SLC15A3: variants seen among roughly 807,000 people sequenced by gnomAD.
The protein encoded by SLC15A3 is osteoclast transporter.
SLC15A3 carries 39 observed loss-of-function variants against 49.2 expected under a neutral mutation model. The observed-to-expected ratio is 0.79, with a 90% CI of 0.61 to 1.04. The LOEUF is 1.04. SLC15A3 is among the 50% of genes least tolerant of loss of function. The probability of loss-of-function intolerance (pLI) is 0.00; values close to 1 mark genes in which losing one functional copy is unlikely to be tolerated. For missense variants in SLC15A3, 758 were observed against 794.8 expected (o/e 0.95, Z 0.56); for synonymous variants, 339 against 367.0 (o/e 0.92, Z 0.87).
chr11:60,946,685 A>T lies in SLC15A3; in HGVS notation c.695T>A (p.Ile232Asn), dbSNP rs899259928. 2 of 1,614,112 alleles carry T rather than the reference A, an allele frequency of 1.2e-6. No homozygotes were observed. Among genetic ancestry groups the T allele is most frequent in the Non-Finnish European group, 1.7e-6 (2 of 1,179,978 alleles). The change falls in exon 2 of 8, where the codon ATC becomes AAC. Residue 232 changes from isoleucine (I) to asparagine (N), a missense_variant. Physicochemically the swap from Ile to Asn is moderately radical, Grantham distance 149 (BLOSUM62 -3). Coordinates refer to ENST00000227880, the MANE Select transcript of SLC15A3 (RefSeq NM_016582.3). Reference sequence around the variant, plus strand: ...TGCCAGGCCCACACAGCCCACAGGGATGCTGTAGCCCAGCAGGAAGCTGAT... The same window carrying T: ...TGCCAGGCCCACACAGCCCACAGGGTTGCTGTAGCCCAGCAGGAAGCTGAT... ...QNISFLLGYS[I>N]PVGCVGLAFF...
At position 60,951,704 on chromosome 11, in the gene SLC15A3, C is replaced by T; in HGVS notation, c.-153G>A. The T allele has an allele frequency of 2.2e-6, 1 of 462,420 alleles. No individual in the cohort carries two copies. The highest frequency in any genetic ancestry group is 2.9e-6 in the Non-Finnish European group (1 of 339,614). 28.6% of individuals were successfully genotyped at this position (462,420 alleles called of 1,614,324 possible). Reference sequence around the variant, plus strand: ...CTTTGGCCCACCCTTCCCTCCTGTCCCCTCTCCCTTTCTTGCCCTACCCTT... The same window carrying T: ...CTTTGGCCCACCCTTCCCTCCTGTCTCCTCTCCCTTTCTTGCCCTACCCTT... On this transcript the variant is annotated 5_prime_UTR_variant, in exon 1 of 8. Coordinates refer to ENST00000227880, the MANE Select transcript of SLC15A3 (RefSeq NM_016582.3).
chr11:60,941,957 C>T (rs1408632136), intron 4 of SLC15A3, 78 bp downstream of exon 4: 2 of 1,357,926 alleles, frequency 1.5e-6, no homozygotes, highest in East Asian at 2.3e-5. Flanking sequence ...AGTGTGAAGG[C>T]AGTTTCATTT....
At position 60,937,941 on chromosome 11, in the gene SLC15A3, G is replaced by A. The variant is rs1856646103; in HGVS notation, c.1520C>T (p.Ser507Leu). 1 of 1,614,198 alleles carries A rather than the reference G, an allele frequency of 6.2e-7. No individual in the cohort carries two copies. The highest frequency in any genetic ancestry group is 8.5e-7 in the Non-Finnish European group (1 of 1,180,006). The change falls in exon 7 of 8, where the codon TCA (serine) becomes TTA (leucine). Residue 507 changes from serine (S) to leucine (L), a missense_variant. By Grantham distance (145) the Ser-to-Leu change is moderately radical. Coordinates refer to ENST00000227880, the MANE Select transcript of SLC15A3 (RefSeq NM_016582.3). ...GIFFCLSGVG[S>L]LLGSSLVALL... ...TGCCACTAGGCTGGAGCCCAACAGT[G>A]AGCCCACCCCCGACAGGCAGAAGAA...
intron 7 of SLC15A3, 48 bp from the exon 8 acceptor site, chr11:60,937,421 C>A (rs1856634826): frequency 6.2e-7 from 1 of 1,609,618 alleles, no homozygotes; most frequent in African/African-American, 1.3e-5. Flanking sequence ...GATCCTCTGT[C>A]TTGCGCCCTG....
chr11:60,941,073 C>G, intron 5 of SLC15A3, 49 bp downstream of exon 5: 6 of 1,561,552 alleles, frequency 3.8e-6, no homozygotes, highest in Non-Finnish European at 4.3e-6. Flanking sequence ...TGGAAGCAGA[C>G]TTCCCCAAGC....
At position 60,941,749 on chromosome 11, in the gene SLC15A3, A is replaced by T. The variant is rs1590637500; in HGVS notation, c.1107+286T>A. 1.2e-5 allele frequency: 5 copies of T among 410,518 alleles called. No individual in the cohort carries two copies. In the East Asian group the frequency reaches 2.4e-4, roughly 20 times the overall value. 25.4% of individuals were successfully genotyped at this position (410,518 alleles called of 1,614,324 possible). On this transcript the variant is annotated intron_variant, in intron 4 of 7. Transcript: ENST00000227880. ...GGGGACAAGGAAGAGTTGAAAAGGG[A>T]CCTAAGTATGCTTGATCTGAGGGTG...
chr11:60,951,269 C>A lies in SLC15A3; in HGVS notation c.283G>T (p.Asp95Tyr). 1.3e-6 allele frequency: 2 copies of A among 1,514,860 alleles called. No individual in the cohort carries two copies. The highest frequency in any genetic ancestry group is 1.8e-6 in the Non-Finnish European group (2 of 1,134,084). The allele number at this position is 1,514,860 out of a possible 1,614,324, so 93.8% of individuals were successfully genotyped here. A position where few individuals can be genotyped will look rare whatever the true frequency, so the allele number is the denominator to read the frequency against. Reference sequence around the variant, plus strand: ...GCGCGGTAGCGGCCCAGGTACACGTCGGCCAGCCAGCCGCCCACGGGCGCC... The same window carrying A: ...GCGCGGTAGCGGCCCAGGTACACGTAGGCCAGCCAGCCGCCCACGGGCGCC... ...LLAPVGGWLA[D>Y]VYLGRYRAVA... Residue 95 changes from aspartate to tyrosine, a missense_variant, in exon 1 of 8, where the codon GAC (aspartate) becomes TAC (tyrosine). By Grantham distance (160) the Asp-to-Tyr change is radical. Around this residue, in one of 3 missense-constraint regions of SLC15A3, gnomAD observed 699 missense variants for 706.7 expected, o/e 0.99. Transcript: ENST00000227880.
chr11:60,941,817 GT>G, intron 4 of SLC15A3: 1 of 543,094 alleles, frequency 1.8e-6, no homozygotes, highest in Non-Finnish European at 3.3e-6. Flanking sequence ...CAGCATGGGG[GT>G]GTGCAGCTGG....
At chr11:60,940,889 TG>T (rs5792207) in intron 5 of SLC15A3, 176,378 of 402,258 alleles carry the variant, frequency 0.44, 40,594 homozygotes, top group African/African-American at 0.63. Context: ...GATAATTCAC[TG>T]GGGGAAAATA....
At chr11:60,945,642 G>T (rs1293521349) in intron 2 of SLC15A3, among the ~76,000 whole-genome samples, 1 of 152,190 alleles carries the variant, frequency 6.6e-6, no homozygotes, top group African/African-American at 2.4e-5. Context: ...AGACAGATTT[G>T]CTTGGCATAA....
chr11:60,944,028 G>A (rs374264266), intron 2 of SLC15A3, among the ~76,000 whole-genome samples, 192 bp from the exon 3 acceptor site: 4 of 152,290 alleles, frequency 2.6e-5, no homozygotes, highest in African/African-American at 9.6e-5. Flanking sequence ...CTGTTTTGGC[G>A]TGCACCTGTA....
chr11:60,938,239 C>T (rs1035146064), intron 6 of SLC15A3: 7 of 564,930 alleles, frequency 1.2e-5, no homozygotes, highest in African/African-American at 7.6e-5. Flanking sequence ...ACCCCTGCAC[C>T]GGGGTACTCC....
chr11:60,938,119 C>G (rs111591404), intron 6 of SLC15A3, 94 bp from the exon 7 acceptor site: 27,095 of 1,438,302 alleles, frequency 0.019, 500 homozygotes, highest in Non-Finnish European at 0.018. Context: ...CTGCCCCCAC[C>G]AAGCCACCCT....
chr11:60,940,907 C>T, intron 5 of SLC15A3: 1 of 439,386 alleles, frequency 2.3e-6, no homozygotes, highest in South Asian at 5.8e-5. Flanking sequence ...AATATTTGTT[C>T]CTCTCTCGGC....
At position 60,941,227 on chromosome 11, in the gene SLC15A3, C is replaced by T; in HGVS notation, c.1171G>A (p.Asp391Asn). The change falls in exon 5 of 8, where the codon GAC (aspartate) becomes AAC (asparagine). Residue 391 changes from aspartate (D) to asparagine (N), a missense_variant. Physicochemically the swap from Asp to Asn is conservative, Grantham distance 23. Coordinates refer to ENST00000227880, the MANE Select transcript of SLC15A3 (RefSeq NM_016582.3). ...VVVLILVPLKDRLIDPLLLRC... is the reference protein window; with the variant it reads ...VVVLILVPLKNRLIDPLLLRC... ...AGCAGTAAAGGGTCGATCAAGCGGTCCTTCAGAGGGACCAGAATCAGCACC... is the reference window on the plus strand; with the variant it reads ...AGCAGTAAAGGGTCGATCAAGCGGTTCTTCAGAGGGACCAGAATCAGCACC... The T allele has an allele frequency of 6.2e-7, 1 of 1,614,152 alleles. No homozygotes were observed.
intron 2 of SLC15A3, among the ~76,000 whole-genome samples, chr11:60,945,147 C>A (rs1392811452): frequency 6.6e-6 from 1 of 152,116 alleles, no homozygotes; most frequent in Admixed American, 6.5e-5. Context: ...CTTCTGCTTT[C>A]TTCCTCCCCG....
In SLC15A3 at chr11:60,951,617, A is replaced by T; in HGVS notation, c.-66T>A. ...TCCTCTCCCCGCCTCAGAGCCCTGC[A>T]CTCCTGCCCCCGGGCCTCGGCCCTC... On this transcript the variant is annotated 5_prime_UTR_variant, in exon 1 of 8. Transcript: ENST00000227880. 1.0e-6 allele frequency: 1 copy of T among 967,684 alleles called. No homozygotes were observed. Among genetic ancestry groups the T allele is most frequent in the Non-Finnish European group, 1.2e-6 (1 of 831,066 alleles). The allele number at this position is 967,684 out of a possible 1,614,324, so 59.9% of individuals were successfully genotyped here. A position where few individuals can be genotyped will look rare whatever the true frequency, so the allele number is the denominator to read the frequency against.
Position 60,951,163 on chromosome 11 carries a change from A to T in SLC15A3, c.389T>A (p.Phe130Tyr). 6.7e-7 allele frequency: 1 copy of T among 1,493,192 alleles called. No homozygotes were observed. The highest frequency in any genetic ancestry group is 8.8e-7 in the Non-Finnish European group (1 of 1,130,014). The allele number at this position is 1,493,192 out of a possible 1,614,324, so 92.5% of individuals were successfully genotyped here. A position where few individuals can be genotyped will look rare whatever the true frequency, so the allele number is the denominator to read the frequency against. Residue 130 changes from phenylalanine (F) to tyrosine (Y), a missense_variant, in exon 1 of 8, where the codon TTC becomes TAC. Phe to Tyr is a conservative substitution (Grantham distance 22, BLOSUM62 3). This residue lies in a region of SLC15A3 where 699 missense variants were observed against 706.7 expected (regional missense o/e 0.99). Transcript: ENST00000227880. Reference sequence around the variant, plus strand: ...CGGCGACGCGGGCATCTCTCCGCAGAAGGAGCTGCGGCCGTCGGGGAAGGC... The same window carrying T: ...CGGCGACGCGGGCATCTCTCCGCAGTAGGAGCTGCGGCCGTCGGGGAAGGC... Reference protein sequence around the residue: ...ATAFPDGRSSFCGEMPASPLG... With the variant: ...ATAFPDGRSSYCGEMPASPLG...
chr11:60,939,566 A>G lies in SLC15A3; in HGVS notation c.1349T>C (p.Leu450Pro), dbSNP rs775709518. 8.7e-6 allele frequency: 14 copies of G among 1,614,056 alleles called. No individual in the cohort carries two copies. Among genetic ancestry groups the G allele is most frequent in the Non-Finnish European group, 1.1e-5 (13 of 1,180,020 alleles). The change falls in exon 6 of 8, where the codon CTG becomes CCG. Residue 450 changes from leucine to proline, a missense_variant. This residue lies in a region of SLC15A3 where 699 missense variants were observed against 706.7 expected (regional missense o/e 0.99). Transcript: ENST00000227880. ...GATGGACAGTGGTGCCGCGTTGTAC[A>G]GGACCTCCCCAATCTGCTGGGACAC... Reference protein sequence around the residue: ...ETVSQQIGEVLYNAAPLSIWW... With the variant: ...ETVSQQIGEVPYNAAPLSIWW...
Sources: allele counts gnomAD v4.1 joint callset (sites outside exome capture counted in the v4.1 genomes callset), GRCh38; gene constraint gnomAD v4.1.1; regional missense constraint gnomAD v4.1.1; transcripts MANE v1.5; gene names NCBI Gene and HGNC (gene_info 2026-07-23, HGNC 2026-07-21).